WSCD2: variants seen among roughly 807,000 people sequenced by gnomAD.
WSCD2 encodes WSC domain sialate O sulfotransferase 2.
A neutral mutation model predicts 55.7 loss-of-function variants in WSCD2; 28 were observed. The ratio of observed to expected loss-of-function variants is 0.50; its 90% CI spans 0.37 to 0.69. The LOEUF (loss-of-function observed/expected upper bound fraction) is 0.69, where lower values mean the gene tolerates loss of function less well. Ranked by LOEUF, WSCD2 falls within the 30% of genes least tolerant of loss-of-function variation. The pLI is 0.00. For synonymous variants in WSCD2, 301 were observed against 301.9 expected (o/e 1.00, Z 0.03); for missense variants, 616 against 762.1 (o/e 0.81, Z 2.26).
intron 1 of WSCD2, among the ~76,000 whole-genome samples, chr12:108,175,157 C>T (rs1314528354): frequency 1.3e-5 from 2 of 152,168 alleles, no homozygotes; most frequent in Non-Finnish European, 2.9e-5. Flanking sequence ...GACAGGTTTG[C>T]TTGTCATGAC....
At chr12:108,152,100 G>A (rs111509317) in intron 1 of WSCD2, among the ~76,000 whole-genome samples, 9 of 152,298 alleles carry the variant, frequency 5.9e-5, no homozygotes, top group South Asian at 2.1e-4. Context: ...TGATCCCCCC[G>A]GGAAACGCTC....
At chr12:108,184,755 A>C (rs1255146300) in intron 1 of WSCD2, among the ~76,000 whole-genome samples, 1 of 152,236 alleles carries the variant, frequency 6.6e-6, no homozygotes, top group South Asian at 2.1e-4. Context: ...ATAGCTAAAA[A>C]GTATTGAGCA....
At position 108,208,468 on chromosome 12, in the gene WSCD2, T is replaced by A. The variant is rs74720482; in HGVS notation, c.498-1653T>A. Among the ~76,000 whole-genome samples the A allele has an allele frequency of 5.7e-3, 866 of 152,202 alleles. 6 individuals carry two copies. The highest frequency in any genetic ancestry group is 0.02 in the African/African-American group (832 of 41,522). ...CAAGAAGATGGAAGGGATGGAGGGC[T>A]CCATGTGGAGGGTTTAGGAAGAGTT... On this transcript the variant is annotated intron_variant, in intron 3 of 8. Coordinates refer to ENST00000547525, the MANE Select transcript of WSCD2 (RefSeq NM_014653.4).
chr12:108,196,176 T>C lies in WSCD2; in HGVS notation c.344T>C (p.Leu115Pro), dbSNP rs1442467052. ...GDYGGAWSRA[L>P]KGRVVREKEE... Reference sequence around the variant, plus strand: ...TACGGTGGAGCCTGGAGCCGAGCCCTCAAGGGGAGGGTTGTCCGGGAGAAG... The same window carrying C: ...TACGGTGGAGCCTGGAGCCGAGCCCCCAAGGGGAGGGTTGTCCGGGAGAAG... The change falls in exon 2 of 9, where the codon CTC becomes CCC. Residue 115 changes from leucine (L) to proline (P), a missense_variant. Leu to Pro is a moderately conservative substitution (Grantham distance 98). This residue lies in a region of WSCD2 where 374 missense variants were observed against 467.4 expected (regional missense o/e 0.80). Coordinates refer to ENST00000547525, the MANE Select transcript of WSCD2 (RefSeq NM_014653.4). 1.2e-6 allele frequency: 2 copies of C among 1,613,700 alleles called. No homozygotes were observed. Among genetic ancestry groups the C allele is most frequent in the Admixed American group, 3.3e-5 (2 of 59,978 alleles).
intron 1 of WSCD2, among the ~76,000 whole-genome samples, chr12:108,185,726 C>G (rs530602060): frequency 9.0e-4 from 137 of 152,288 alleles, no homozygotes; most frequent in Admixed American, 1.8e-3. Flanking sequence ...TGCCTTCCTC[C>G]CTGTTCTCTG....
chr12:108,238,524 CG>C (rs1369992615), intron 7 of WSCD2, among the ~76,000 whole-genome samples: 3 of 152,220 alleles, frequency 2.0e-5, no homozygotes, highest in East Asian at 3.9e-4. Flanking sequence ...TTTGATGATA[CG>C]GGGCGACTTC....
chr12:108,160,492 A>G (rs1878951061), intron 1 of WSCD2, among the ~76,000 whole-genome samples: 1 of 152,130 alleles, frequency 6.6e-6, no homozygotes, highest in Non-Finnish European at 1.5e-5. Context: ...GGGAAGTAGG[A>G]TCATCTTACA....
intron 3 of WSCD2, among the ~76,000 whole-genome samples, chr12:108,206,889 T>C (rs1885454472): frequency 6.6e-6 from 1 of 152,208 alleles, no homozygotes; most frequent in Non-Finnish European, 1.5e-5. Context: ...AAATGCACCA[T>C]TAGATGTGCA....
intron 1 of WSCD2, among the ~76,000 whole-genome samples, 163 bp downstream of exon 1, chr12:108,130,089 G>A (rs943562756): frequency 6.6e-6 from 1 of 152,248 alleles, no homozygotes; most frequent in African/African-American, 2.4e-5. Flanking sequence ...GAGGAACCCA[G>A]AGTGGTGACA....
At chr12:108,192,706 C>T (rs945682066) in intron 1 of WSCD2, among the ~76,000 whole-genome samples, 5 of 152,138 alleles carry the variant, frequency 3.3e-5, no homozygotes, top group Non-Finnish European at 7.3e-5. Context: ...GTGGGCTGTT[C>T]CTCTTCCCTG....
At chr12:108,142,378 A>G (rs1415452061) in intron 1 of WSCD2, among the ~76,000 whole-genome samples, 4 of 152,132 alleles carry the variant, frequency 2.6e-5, no homozygotes, top group Non-Finnish European at 5.9e-5. Context: ...AACACATGCT[A>G]TTTCTAAAAT....
chr12:108,171,490 TG>T (rs1431652388), intron 1 of WSCD2, among the ~76,000 whole-genome samples: 2 of 152,208 alleles, frequency 1.3e-5, no homozygotes, highest in African/African-American at 4.8e-5. Flanking sequence ...AGTCTTTGTA[TG>T]AAAAAAAGAA....
Position 108,248,557 on chromosome 12 carries a change from T to C in WSCD2, c.*214T>C. The C allele has an allele frequency of 7.3e-7, 1 of 1,371,518 alleles. No individual in the cohort carries two copies. Among genetic ancestry groups the C allele is most frequent in the Non-Finnish European group, 9.4e-7 (1 of 1,063,082 alleles). 85.0% of individuals were successfully genotyped at this position (1,371,518 alleles called of 1,614,324 possible). A position where few individuals can be genotyped will look rare whatever the true frequency, so the allele number is the denominator to read the frequency against. On this transcript the variant is annotated 3_prime_UTR_variant, in exon 9 of 9. Coordinates refer to ENST00000547525, the MANE Select transcript of WSCD2 (RefSeq NM_014653.4). The surrounding 1 kb of genome is among the most constrained non-coding windows in gnomAD (Gnocchi z 4.3). The stretch of plus-strand genomic sequence containing the variant: ...ACCACTCTGCTCACATGTTCCCCCC[T>C]TGGCAATGTGGGGCATCTTGTTTAG...
At chr12:108,215,293 A>G (rs1224088571) in intron 4 of WSCD2, among the ~76,000 whole-genome samples, 4 of 151,978 alleles carry the variant, frequency 2.6e-5, no homozygotes, top group African/African-American at 9.7e-5. Flanking sequence ...TTCTATCCCA[A>G]CTCTCTCACC....
At chr12:108,196,278 A>T (rs1358756981) in intron 2 of WSCD2, 64 bp downstream of exon 2, 1 of 1,496,682 alleles carries the variant, frequency 6.7e-7, no homozygotes, top group Non-Finnish European at 8.9e-7. Flanking sequence ...CTAACAATGT[A>T]ATAACAGCTG....
chr12:108,144,064 T>C (rs2136890697), intron 1 of WSCD2, among the ~76,000 whole-genome samples: 1 of 152,152 alleles, frequency 6.6e-6, no homozygotes, highest in East Asian at 1.9e-4. Context: ...ATCTTGATTT[T>C]TTTTTTTCCA....
At position 108,248,410 on chromosome 12, in the gene WSCD2, C is replaced by T; in HGVS notation, c.*67C>T. 1 of 1,535,616 alleles carries T rather than the reference C, an allele frequency of 6.5e-7. No homozygotes were observed. The highest frequency in any genetic ancestry group is 1.4e-5 in the African/African-American group (1 of 73,166). ...CGCAGGCCCTGGGGACTCAAGACCCCTGGTTACCCCCACTCATCTGTCCTC... is the reference window on the plus strand; with the variant it reads ...CGCAGGCCCTGGGGACTCAAGACCCTTGGTTACCCCCACTCATCTGTCCTC... On this transcript the variant is annotated 3_prime_UTR_variant, in exon 9 of 9. Coordinates refer to ENST00000547525, the MANE Select transcript of WSCD2 (RefSeq NM_014653.4). This position sits in a 1 kb window ranked among gnomAD's most constrained non-coding sequence, Gnocchi z 4.3.
rs368092771 is a variant in WSCD2 at position 108,240,375 on chromosome 12, C to T, written c.1176C>T (p.Ser392=). ...GFKGERDHWR[S]GRTICIKTHE... The stretch of plus-strand genomic sequence containing the variant: ...AAGGTGAGCGGGACCACTGGCGCAG[C>T]GGACGGACCATCTGCATCAAGACGC... Residue 392 remains serine, a synonymous_variant, in exon 8 of 9, where the codon AGC becomes AGT. Coordinates refer to ENST00000547525, the MANE Select transcript of WSCD2 (RefSeq NM_014653.4). 4.6e-5 allele frequency: 75 copies of T among 1,614,006 alleles called. 1 individual carries two copies. The highest frequency in any genetic ancestry group is 5.4e-5 in the Non-Finnish European group (64 of 1,180,038).
rs79029951 is a variant in WSCD2, at chr12:108,210,226, C to T, written c.603C>T (p.Gly201=). Residue 201 remains glycine (G), a synonymous_variant, in exon 4 of 9, where the codon GGC becomes GGT. Transcript: ENST00000547525. The surrounding 1 kb of genome is among the most constrained non-coding windows in gnomAD (Gnocchi z 4.3). ...CAGAGTGCGACATGGAGTGCAAGGGCGAGCGAGGCAGCGTGTGCGGCGGCG... is the reference window on the plus strand; with the variant it reads ...CAGAGTGCGACATGGAGTGCAAGGGTGAGCGAGGCAGCGTGTGCGGCGGCG... ...SEAECDMECK[G]ERGSVCGGAN... 1.8e-4 allele frequency: 286 copies of T among 1,613,484 alleles called. No homozygotes were observed. In the African/African-American group the frequency reaches 3.0e-3, roughly 17 times the overall value.
Sources: gnomAD v4.1 joint callset for allele counts (sites outside exome capture counted in the v4.1 genomes callset) on GRCh38, gnomAD v4.1.1 for gene constraint, gnomAD v4.1.1 regional missense constraint, Gnocchi (gnomAD v3.1) non-coding constraint, MANE v1.5 for transcripts, NCBI Gene and HGNC (gene_info 2026-07-23, HGNC 2026-07-21) for gene names.